The following ARHGAP10 variants were observed in gnomAD, a reference collection of about 807,000 sequenced individuals.
ARHGAP10 encodes the protein rho GTPase-activating protein 10.
A neutral mutation model predicts 108.6 loss-of-function variants in ARHGAP10; 87 were observed. That is an observed-to-expected ratio of 0.80 (90% CI 0.67 to 0.96). The LOEUF (loss-of-function observed/expected upper bound fraction) is 0.96. Among genes scored for constraint, ARHGAP10 ranks in the 40% least tolerant of loss-of-function variants. The pLI is 0.00. For missense variants in ARHGAP10, 939 were observed against 954.5 expected (o/e 0.98, Z 0.21); for synonymous variants, 347 against 341.1 (o/e 1.02, Z -0.19).
chr4:147,923,153 T>C (rs754719422), intron 13 of ARHGAP10, among the ~76,000 whole-genome samples: 3 of 152,252 alleles, frequency 2.0e-5, no homozygotes, highest in Non-Finnish European at 4.4e-5. Context: ...ACATGTAGGA[T>C]TGTTTTTCAT....
At chr4:147,791,556 G>GTATA (rs113021790) in intron 1 of ARHGAP10, among the ~76,000 whole-genome samples, 21 of 151,852 alleles carry the variant, frequency 1.4e-4, no homozygotes, top group African/African-American at 4.8e-4. Flanking sequence ...GTGCGCGCGT[G>GTATA]TATATATATA....
intron 19 of ARHGAP10, among the ~76,000 whole-genome samples, chr4:148,030,303 A>G (rs967255646): frequency 2.6e-5 from 4 of 152,174 alleles, no homozygotes; most frequent in African/African-American, 7.2e-5. Flanking sequence ...TCTGAATTCA[A>G]GCAGCTGTCA....
At chr4:147,790,370 G>C (rs537385306) in intron 1 of ARHGAP10, among the ~76,000 whole-genome samples, 2 of 152,134 alleles carry the variant, frequency 1.3e-5, no homozygotes, top group African/African-American at 2.4e-5. Context: ...TGGGGGAAAC[G>C]CAAACATTCA....
Position 147,734,059 on chromosome 4 carries a change from G to A in ARHGAP10, c.154+1604G>A, listed in dbSNP as rs141447719. Reference sequence around the variant, plus strand: ...AGCATAGAAAGGAGGAGTTGGGAGCGGGGGTGCAGAGTGAACACGAGAGAA... The same window carrying A: ...AGCATAGAAAGGAGGAGTTGGGAGCAGGGGTGCAGAGTGAACACGAGAGAA... On this transcript the variant is annotated intron_variant, in intron 1 of 22. Transcript: ENST00000336498. Among the ~76,000 whole-genome samples the A allele has an allele frequency of 3.2e-3, 486 of 152,106 alleles. 1 individual carries two copies. Among genetic ancestry groups the A allele is most frequent in the African/African-American group, 0.011 (463 of 41,458 alleles).
chr4:148,060,085 T>C lies in ARHGAP10; in HGVS notation c.2028-3063T>C, dbSNP rs146746076. Among the ~76,000 whole-genome samples, 770 of 151,832 alleles carry C rather than the reference T, an allele frequency of 5.1e-3. 11 individuals are homozygous for C. Among genetic ancestry groups the C allele is most frequent in the Middle Eastern group, 0.01 (3 of 294 alleles). The stretch of plus-strand genomic sequence containing the variant: ...GCTCAGTTCTCTCTTGGAACCCAGG[T>C]TGAGGAAAAGCTGTTAGTCCTTTGC... On this transcript the variant is annotated intron_variant, in intron 20 of 22. Transcript: ENST00000336498.
chr4:147,773,922 G>A (rs1730178387), intron 1 of ARHGAP10, among the ~76,000 whole-genome samples: 1 of 152,160 alleles, frequency 6.6e-6, no homozygotes, highest in African/African-American at 2.4e-5. Flanking sequence ...GATATGTCTT[G>A]CAGCCATTTG....
chr4:147,970,096 T>C (rs572709861), intron 18 of ARHGAP10, among the ~76,000 whole-genome samples: 4 of 152,140 alleles, frequency 2.6e-5, no homozygotes, highest in Admixed American at 2.0e-4. Flanking sequence ...TTTGAACACT[T>C]CTACTCCCAC....
intron 1 of ARHGAP10, among the ~76,000 whole-genome samples, chr4:147,787,385 G>T (rs889030183): frequency 6.6e-6 from 1 of 152,108 alleles, no homozygotes; most frequent in African/African-American, 2.4e-5. Flanking sequence ...AACATCAGCA[G>T]GGGGAGAAGA....
rs554163272 is a variant in ARHGAP10 at position 147,901,390 on chromosome 4, G to C, written c.1035-5248G>C. 5.3e-5 allele frequency among the ~76,000 whole-genome samples: 8 copies of C among 152,340 alleles called. No individual in the cohort carries two copies. The South Asian group carries it at 1.7e-3, about 32-fold the overall frequency. Reference sequence around the variant, plus strand: ...TAAAGTAATGCGTTGCAAGTGTGAAGTGTTCTGAAGAATGTAGACTGTGAT... The same window carrying C: ...TAAAGTAATGCGTTGCAAGTGTGAACTGTTCTGAAGAATGTAGACTGTGAT... On this transcript the variant is annotated intron_variant, in intron 10 of 22. Coordinates refer to ENST00000336498, the MANE Select transcript of ARHGAP10 (RefSeq NM_024605.4).
chr4:147,960,428 A>G (rs1738948865), intron 16 of ARHGAP10, among the ~76,000 whole-genome samples: 1 of 152,216 alleles, frequency 6.6e-6, no homozygotes, highest in African/African-American at 2.4e-5. Context: ...ATTGGAAACA[A>G]TCTAAGTGTT....
intron 12 of ARHGAP10, among the ~76,000 whole-genome samples, chr4:147,910,872 C>T (rs1326963013): frequency 6.6e-6 from 1 of 152,138 alleles, no homozygotes; most frequent in Non-Finnish European, 1.5e-5. Flanking sequence ...ACTCTTGTAG[C>T]CTGGCACTGG....
intron 10 of ARHGAP10, among the ~76,000 whole-genome samples, chr4:147,885,582 T>C (rs1325004631): frequency 6.6e-6 from 1 of 152,174 alleles, no homozygotes; most frequent in East Asian, 1.9e-4. Context: ...CTGTGGGTCA[T>C]TATGAAGAGA....
intron 4 of ARHGAP10, among the ~76,000 whole-genome samples, chr4:147,850,900 T>C (rs1733854236): frequency 2.0e-5 from 3 of 152,184 alleles, no homozygotes; most frequent in Admixed American, 1.3e-4. Context: ...CAGGAACCAG[T>C]ACAGATCCTG....
At chr4:147,866,621 A>G (rs1734574016) in intron 6 of ARHGAP10, 91 bp from the exon 7 acceptor site, 3 of 857,000 alleles carry the variant, frequency 3.5e-6, no homozygotes, top group Non-Finnish European at 5.7e-6. Context: ...AATAACAGTG[A>G]GATGGCGGGG....
At chr4:147,819,709 C>T (rs1246581925) in intron 1 of ARHGAP10, among the ~76,000 whole-genome samples, 1 of 152,104 alleles carries the variant, frequency 6.6e-6, no homozygotes, top group African/African-American at 2.4e-5. Context: ...CAGGTGCCTG[C>T]CACCACGCCT....
At chr4:147,948,885 G>C (rs1161842630) in intron 15 of ARHGAP10, among the ~76,000 whole-genome samples, 1 of 150,568 alleles carries the variant, frequency 6.6e-6, no homozygotes, top group African/African-American at 2.4e-5. Flanking sequence ...AGAAGGGTGG[G>C]AACCCAGGAG....
intron 1 of ARHGAP10, among the ~76,000 whole-genome samples, chr4:147,799,913 G>C (rs769498110): frequency 6.6e-6 from 1 of 151,978 alleles, no homozygotes; most frequent in Non-Finnish European, 1.5e-5. Flanking sequence ...CTTTTTTTTG[G>C]GGGGGTGCGG....
At chr4:148,020,450 C>T (rs142031371) in intron 18 of ARHGAP10, among the ~76,000 whole-genome samples, 3 of 152,130 alleles carry the variant, frequency 2.0e-5, no homozygotes, top group Admixed American at 1.3e-4. Flanking sequence ...TCTCCCTCCC[C>T]CTGCCCCGCT....
chr4:147,859,918 C>G (rs574415060), intron 5 of ARHGAP10, among the ~76,000 whole-genome samples: 44 of 152,342 alleles, frequency 2.9e-4, no homozygotes, highest in African/African-American at 1.0e-3. Flanking sequence ...AACTTACATG[C>G]TCTCACTGAA....
Sources: gnomAD v4.1 joint callset for allele counts (sites outside exome capture counted in the v4.1 genomes callset) on GRCh38, gnomAD v4.1.1 for gene constraint, MANE v1.5 for transcripts, NCBI Gene and HGNC (gene_info 2026-07-23, HGNC 2026-07-21) for gene names.